The following LGALS3 variants were observed in gnomAD, a reference collection of about 807,000 sequenced individuals.
LGALS3 encodes galectin-3.
In LGALS3, 18 loss-of-function variants were observed where a neutral mutation model predicts 20.7. The ratio of observed to expected loss-of-function variants is 0.87; its 90% confidence interval spans 0.60 to 1.29. LGALS3 has a LOEUF of 1.29. Among genes scored for constraint, LGALS3 ranks in the 50% most tolerant of loss-of-function variants. The pLI is 0.00. For synonymous variants in LGALS3, 112 were observed against 119.6 expected (o/e 0.94, Z 0.42); for missense variants, 315 against 314.7 (o/e 1.00, Z -0.01).
chr14:55,143,947 T>G (rs1881724589), intron 5 of LGALS3, among the ~76,000 whole-genome samples: 1 of 152,218 alleles, frequency 6.6e-6, no homozygotes, highest in Admixed American at 6.5e-5. Flanking sequence ...TAGAAATCTT[T>G]GCTTTAAATA....
intron 4 of LGALS3, among the ~76,000 whole-genome samples, chr14:55,140,700 G>A (rs1160973233): frequency 3.3e-5 from 5 of 152,156 alleles, no homozygotes; most frequent in South Asian, 2.1e-4. Flanking sequence ...CAAAACTGAG[G>A]TTCAGGTTCT....
chr14:55,130,370 A>T, intron 1 of LGALS3, among the ~76,000 whole-genome samples: 1 of 152,024 alleles, frequency 6.6e-6, no homozygotes, highest in East Asian at 1.9e-4. Flanking sequence ...TGACTCTGGG[A>T]ATTGGGTTGC....
chr14:55,142,009 T>G (rs988780475), intron 4 of LGALS3, among the ~76,000 whole-genome samples: 1 of 152,224 alleles, frequency 6.6e-6, no homozygotes, highest in Non-Finnish European at 1.5e-5. Context: ...GCTCACATCA[T>G]AGAATGTTTA....
At chr14:55,137,865 C>G in intron 2 of LGALS3, 180 bp from the exon 3 acceptor site, 2 of 1,309,404 alleles carry the variant, frequency 1.5e-6, no homozygotes, top group South Asian at 5.5e-5. Flanking sequence ...ATATGTAATC[C>G]CAACATCTAA....
At chr14:55,141,738 C>A (rs964712266) in intron 4 of LGALS3, among the ~76,000 whole-genome samples, 1 of 152,134 alleles carries the variant, frequency 6.6e-6, no homozygotes, top group African/African-American at 2.4e-5. Flanking sequence ...TTTTTCCTTA[C>A]AAATTTAATC....
At chr14:55,133,658 C>T (rs879315224) in intron 1 of LGALS3, among the ~76,000 whole-genome samples, 17 of 152,168 alleles carry the variant, frequency 1.1e-4, no homozygotes, top group Non-Finnish European at 2.5e-4. Flanking sequence ...GTGGCCTTGT[C>T]TAATGTGTCG....
At chr14:55,142,791 T>C in intron 5 of LGALS3, 42 bp downstream of exon 5, 1 of 1,494,342 alleles carries the variant, frequency 6.7e-7, no homozygotes, top group South Asian at 1.2e-5. Flanking sequence ...TGTATATTTC[T>C]CATGAGGAAT....
At position 55,138,121 on chromosome 14, in the gene LGALS3, G is replaced by A; in HGVS notation, c.95G>A (p.Gly32Glu). 6.4e-7 allele frequency: 1 copy of A among 1,553,616 alleles called. No individual in the cohort carries two copies. Among genetic ancestry groups the A allele is most frequent in the Non-Finnish European group, 8.7e-7 (1 of 1,153,664 alleles). The part of the protein sequence containing the change: ...WPGAWGNQPA[G>E]AGGYPGASYP... ...GGCGCATGGGGGAACCAGCCTGCTG[G>A]GGCAGGGGGCTACCCAGGGGCTTCC... Residue 32 changes from glycine (G) to glutamate (E), a missense_variant, in exon 3 of 6, where the codon GGG becomes GAG. Physicochemically the swap from Gly to Glu is moderately conservative, Grantham distance 98. Transcript: ENST00000254301.
chr14:55,135,218 A>T (rs566906814), intron 1 of LGALS3, among the ~76,000 whole-genome samples: 16 of 152,280 alleles, frequency 1.1e-4, no homozygotes, highest in Non-Finnish European at 2.2e-4. Context: ...GATATAAATA[A>T]TAGCAGTATA....
chr14:55,145,091 A>C lies in LGALS3; in HGVS notation c.598-25A>C, dbSNP rs192920279. On this transcript the variant is annotated intron_variant, in intron 5 of 5. Transcript: ENST00000254301. The stretch of plus-strand genomic sequence containing the variant: ...GCTGACATATGCATTACCTCATGTA[A>C]CAGTTTATGTATATGCCATTTCAGA... The C allele has an allele frequency of 3.2e-3, 5,169 of 1,597,320 alleles. 70 individuals carry two copies. The highest frequency in any genetic ancestry group is 0.029 in the South Asian group (2,642 of 90,394).
At position 55,138,206 on chromosome 14, in the gene LGALS3, A is replaced by AGGT; in HGVS notation, c.182_183insTGG (p.Gly61dup). On this transcript the variant is annotated inframe_insertion, in exon 3 of 6. Coordinates refer to ENST00000254301, the MANE Select transcript of LGALS3 (RefSeq NM_002306.4). The stretch of plus-strand genomic sequence containing the variant: ...GGGCTTATCCTGGACAGGCACCTCC[A>AGGT]GGCGCCTACCCTGGAGCACCTGGAG... 1 of 1,612,776 alleles carries AGGT rather than the reference A, an allele frequency of 6.2e-7. No homozygotes were observed. The highest frequency in any genetic ancestry group is 8.5e-7 in the Non-Finnish European group (1 of 1,179,378).
chr14:55,139,883 C>A lies in LGALS3; in HGVS notation c.343-392C>A, dbSNP rs139575422. 1.0e-3 allele frequency among the ~76,000 whole-genome samples: 153 copies of A among 152,230 alleles called. 3 individuals carry two copies. The South Asian group carries it at 0.02, about 20-fold the overall frequency. ...TACAAAGCATATGAGAACCCACAAGCCCAGAATGTGATATGCTGCTTGCCC... is the reference window on the plus strand; with the variant it reads ...TACAAAGCATATGAGAACCCACAAGACCAGAATGTGATATGCTGCTTGCCC... On this transcript the variant is annotated intron_variant, in intron 3 of 5. Coordinates refer to ENST00000254301, the MANE Select transcript of LGALS3 (RefSeq NM_002306.4).
At chr14:55,144,693 A>G (rs1207117858) in intron 5 of LGALS3, among the ~76,000 whole-genome samples, 1 of 152,102 alleles carries the variant, frequency 6.6e-6, no homozygotes, top group Non-Finnish European at 1.5e-5. Context: ...CCTCCCAAGT[A>G]GCTGGGACTA....
chr14:55,140,498 T>G (rs1337028726), intron 4 of LGALS3, 135 bp downstream of exon 4: 2 of 590,858 alleles, frequency 3.4e-6, no homozygotes. Flanking sequence ...AACTACATAT[T>G]TAGAATCTTG....
Position 55,129,366 on chromosome 14 carries a change from C to CT in LGALS3, c.-5+68dup, listed in dbSNP as rs1315185851. 1 of 151,948 alleles carries CT rather than the reference C, an allele frequency of 6.6e-6. No homozygotes were observed. The highest frequency in any genetic ancestry group is 1.5e-5 in the Non-Finnish European group (1 of 68,038). The allele number at this position is 151,948 out of a possible 1,614,324, so 9.4% of individuals were successfully genotyped here. A position where few individuals can be genotyped will look rare whatever the true frequency, so the allele number is the denominator to read the frequency against. ...CAGGGGAGAGGGCGCCCGGGCGCTG[C>CT]TTGGGGCGCGGTCCGGAGAGGGTTC... On this transcript the variant is annotated intron_variant, in intron 1 of 5. Coordinates refer to ENST00000254301, the MANE Select transcript of LGALS3 (RefSeq NM_002306.4). The surrounding 1 kb of genome is among the most constrained non-coding windows in gnomAD (Gnocchi z 5.3).
At chr14:55,139,361 G>T (rs1881536991) in intron 3 of LGALS3, among the ~76,000 whole-genome samples, 1 of 152,202 alleles carries the variant, frequency 6.6e-6, no homozygotes, top group Non-Finnish European at 1.5e-5. Flanking sequence ...GATGGGGGAG[G>T]GGGTAGGGAA....
chr14:55,139,971 AATGTTAATGTTG>A (rs1283296575), intron 3 of LGALS3, among the ~76,000 whole-genome samples: 1 of 152,204 alleles, frequency 6.6e-6, no homozygotes, highest in African/African-American at 2.4e-5. Context: ...GTGATACAAA[AATGTTAATGTTG>A]ATCACAAGAT....
intron 2 of LGALS3, chr14:55,137,637 G>C: frequency 7.0e-7 from 1 of 1,433,838 alleles, no homozygotes; most frequent in Non-Finnish European, 9.1e-7. Context: ...GCCCAGGGCG[G>C]AAGGGAGTGG....
chr14:55,135,492 G>A (rs945376948), intron 1 of LGALS3, among the ~76,000 whole-genome samples: 9 of 150,404 alleles, frequency 6.0e-5, no homozygotes, highest in African/African-American at 2.2e-4. Flanking sequence ...TATAAATGAA[G>A]CATATGTTAA....
Sources: allele counts gnomAD v4.1 joint callset (sites outside exome capture counted in the v4.1 genomes callset), GRCh38; gene constraint gnomAD v4.1.1; non-coding constraint Gnocchi (gnomAD v3.1); transcripts MANE v1.5; gene names NCBI Gene and HGNC (gene_info 2026-07-23, HGNC 2026-07-21).